The following MAN1C1 variants were observed in gnomAD, a reference collection of about 807,000 sequenced individuals.
MAN1C1 encodes the protein mannosyl-oligosaccharide 1,2-alpha-mannosidase IC.
In MAN1C1, 49 loss-of-function variants were observed where a neutral mutation model predicts 71.5. The ratio of observed to expected loss-of-function variants is 0.69; its 90% confidence interval spans 0.54 to 0.87. The LOEUF (loss-of-function observed/expected upper bound fraction) is 0.87, where lower values mean the gene tolerates loss of function less well. Ranked by LOEUF, MAN1C1 falls within the 40% of genes least tolerant of loss-of-function variation. The pLI, the probability that MAN1C1 is intolerant of heterozygous loss-of-function variation, is 0.00. For missense variants in MAN1C1, 743 were observed against 835.0 expected (o/e 0.89, Z 1.36); for synonymous variants, 352 against 343.7 (o/e 1.02, Z -0.27).
chr1:25,653,851 A>G (rs576389367), intron 1 of MAN1C1, among the ~76,000 whole-genome samples: 6 of 152,256 alleles, frequency 3.9e-5, no homozygotes, highest in African/African-American at 1.4e-4. Flanking sequence ...CCAGTTCTCA[A>G]CTGGGCTAGT....
At chr1:25,751,295 C>T (rs2047212539) in intron 4 of MAN1C1, among the ~76,000 whole-genome samples, 1 of 151,386 alleles carries the variant, frequency 6.6e-6, no homozygotes, top group African/African-American at 2.4e-5. Context: ...CATTCTCCTT[C>T]CATCCACCTT....
rs1458085223 is a variant in MAN1C1 at position 25,764,505 on chromosome 1, C to G, written c.1141+538C>G. ...TCGGCTCACTGCAACCTCTGCCTCC[C>G]AGGTTCAAGTGATTCTCCTGACTCA... On this transcript the variant is annotated intron_variant, in intron 7 of 11. Transcript: ENST00000374332. The surrounding 1 kb of genome is among the most constrained non-coding windows in gnomAD (Gnocchi z 4.4). Among the ~76,000 whole-genome samples the G allele has an allele frequency of 6.6e-6, 1 of 152,014 alleles. No homozygotes were observed. The highest frequency in any genetic ancestry group is 1.5e-5 in the Non-Finnish European group (1 of 68,004).
chr1:25,769,062 CCACCCACACTCCCACACACACACCTAT>C lies in MAN1C1; in HGVS notation c.1142-2581_1142-2555del, dbSNP rs1217386595. Among the ~76,000 whole-genome samples the C allele has an allele frequency of 6.8e-6, 1 of 146,452 alleles. No individual in the cohort carries two copies. Among genetic ancestry groups the C allele is most frequent in the Non-Finnish European group, 1.5e-5 (1 of 66,146 alleles). On this transcript the variant is annotated intron_variant, in intron 7 of 11. Transcript: ENST00000374332. This position sits in a 1 kb window ranked among gnomAD's most constrained non-coding sequence, Gnocchi z 4.8. ...CCCACACTCCCACACACACTACACA[CCACCCACACTCCCACACACACACCTAT>C]CACCCACACTCCCTCCCACACACAC...
intron 2 of MAN1C1, among the ~76,000 whole-genome samples, chr1:25,719,358 C>G (rs1461797906): frequency 1.3e-5 from 2 of 149,818 alleles, no homozygotes; most frequent in East Asian, 2.0e-4. Context: ...CAGGCATGAG[C>G]CACTGTGCCC....
At chr1:25,669,469 C>T (rs915248752) in intron 1 of MAN1C1, among the ~76,000 whole-genome samples, 2 of 152,076 alleles carry the variant, frequency 1.3e-5, no homozygotes, top group Non-Finnish European at 2.9e-5. Flanking sequence ...TGGAGGTGCT[C>T]AATAAATACT....
At chr1:25,710,596 T>C (rs1053311430) in intron 2 of MAN1C1, among the ~76,000 whole-genome samples, 1 of 152,228 alleles carries the variant, frequency 6.6e-6, no homozygotes, top group Non-Finnish European at 1.5e-5. Flanking sequence ...GAAAGGCTAC[T>C]ATGGTTTGAT....
chr1:25,687,708 G>A (rs1185892531), intron 2 of MAN1C1, among the ~76,000 whole-genome samples: 1 of 152,156 alleles, frequency 6.6e-6, no homozygotes, highest in African/African-American at 2.4e-5. Context: ...CTGTCTGACT[G>A]TTCAGACATT....
At position 25,753,536 on chromosome 1, in the gene MAN1C1, A is replaced by C. The variant is rs1487024599; in HGVS notation, c.887A>C (p.Asn296Thr). 5.0e-6 allele frequency: 8 copies of C among 1,613,890 alleles called. No homozygotes were observed. Among genetic ancestry groups the C allele is most frequent in the Non-Finnish European group, 6.8e-6 (8 of 1,179,924 alleles). ...GGAGAGAAGCTCCTGCCGGCGTTCA[A>C]CACCCCCACGGGAATCCCAAAGGGC... ...RLGEKLLPAF[N>T]TPTGIPKGVV... Residue 296 changes from asparagine to threonine, a missense_variant, in exon 5 of 12, where the codon AAC becomes ACC. By Grantham distance (65) the Asn-to-Thr change is moderately conservative (BLOSUM62 0). Transcript: ENST00000374332. The surrounding 1 kb of genome is among the most constrained non-coding windows in gnomAD (Gnocchi z 4.9).
At chr1:25,720,080 G>A (rs2046743011) in intron 2 of MAN1C1, among the ~76,000 whole-genome samples, 1 of 152,158 alleles carries the variant, frequency 6.6e-6, no homozygotes, top group African/African-American at 2.4e-5. Context: ...CACAGTGCCT[G>A]GCCTCGTAGT....
intron 2 of MAN1C1, among the ~76,000 whole-genome samples, chr1:25,710,829 T>C (rs2046603709): frequency 1.3e-5 from 2 of 152,094 alleles, no homozygotes; most frequent in Non-Finnish European, 2.9e-5. Flanking sequence ...AAGGTCAAGG[T>C]TGAGTATAGT....
intron 2 of MAN1C1, among the ~76,000 whole-genome samples, chr1:25,732,726 A>C (rs926138086): frequency 2.6e-5 from 4 of 152,198 alleles, no homozygotes; most frequent in Non-Finnish European, 5.9e-5. Context: ...CACTGCCTGC[A>C]GCTAAGCTAT....
chr1:25,637,514 G>A (rs2045479159), intron 1 of MAN1C1, among the ~76,000 whole-genome samples: 4 of 152,012 alleles, frequency 2.6e-5, no homozygotes, highest in Admixed American at 2.6e-4. Context: ...ATTGAATTAA[G>A]AAATGTGTAT....
chr1:25,680,304 C>T (rs1238057409), intron 1 of MAN1C1, among the ~76,000 whole-genome samples: 1 of 152,174 alleles, frequency 6.6e-6, no homozygotes, highest in Non-Finnish European at 1.5e-5. Context: ...CTCAGATGAT[C>T]CGCCCACCTG....
At chr1:25,736,673 C>T (rs2046987152) in intron 2 of MAN1C1, among the ~76,000 whole-genome samples, 1 of 152,156 alleles carries the variant, frequency 6.6e-6, no homozygotes. Context: ...GCCACAGGCA[C>T]ATGCCCCTAT....
At chr1:25,719,333 A>C in intron 2 of MAN1C1, among the ~76,000 whole-genome samples, 1 of 150,656 alleles carries the variant, frequency 6.6e-6, no homozygotes. Context: ...TCAGCCTCCC[A>C]AAGTGCTGGG....
In MAN1C1 at chr1:25,778,853, C is replaced by G. The variant is rs2047655814; in HGVS notation, c.1477+529C>G. ...GAAAGCCTGAGAGCTTGGTCCTCCC[C>G]ACCCACCACTCACCACTGAATTGTC... is the stretch of plus-strand genomic sequence containing the variant. On this transcript the variant is annotated intron_variant, in intron 9 of 11. Transcript: ENST00000374332. This position sits in a 1 kb window ranked among gnomAD's most constrained non-coding sequence, Gnocchi z 5.5. 6.6e-6 allele frequency among the ~76,000 whole-genome samples: 1 copy of G among 152,152 alleles called. No individual in the cohort carries two copies. Among genetic ancestry groups the G allele is most frequent in the Non-Finnish European group, 1.5e-5 (1 of 68,028 alleles).
chr1:25,676,914 C>T (rs1253216077), intron 1 of MAN1C1, among the ~76,000 whole-genome samples: 1 of 152,070 alleles, frequency 6.6e-6, no homozygotes, highest in Non-Finnish European at 1.5e-5. Context: ...TGGAGTTTTC[C>T]ACTCTGGGAG....
intron 1 of MAN1C1, among the ~76,000 whole-genome samples, chr1:25,629,588 T>C (rs1013177944): frequency 6.6e-6 from 1 of 152,042 alleles, no homozygotes; most frequent in Non-Finnish European, 1.5e-5. Context: ...CCTGGCTGAT[T>C]TCTTGTATTT....
At chr1:25,737,632 G>T (rs2047000632) in intron 2 of MAN1C1, among the ~76,000 whole-genome samples, 1 of 152,148 alleles carries the variant, frequency 6.6e-6, no homozygotes, top group Non-Finnish European at 1.5e-5. Context: ...CTGCACCCTG[G>T]GATTCACAGG....
Sources: allele counts gnomAD v4.1 joint callset (sites outside exome capture counted in the v4.1 genomes callset), GRCh38; gene constraint gnomAD v4.1.1; non-coding constraint Gnocchi (gnomAD v3.1); transcripts MANE v1.5; gene names NCBI Gene and HGNC (gene_info 2026-07-23, HGNC 2026-07-21).